The following SNTG1 variants were observed in gnomAD, a reference collection of about 807,000 sequenced individuals.
SNTG1 encodes gamma-1-syntrophin.
In SNTG1, 39 loss-of-function variants were observed where a neutral mutation model predicts 74.7. That is an observed-to-expected ratio of 0.52 (90% CI 0.40 to 0.68). SNTG1 has a LOEUF of 0.68. Ranked by LOEUF, SNTG1 falls within the 30% of genes least tolerant of loss-of-function variation. The pLI is 0.00. For missense variants in SNTG1, 685 were observed against 609.5 expected, an observed-to-expected ratio of 1.12 and a Z score of -1.30; for synonymous variants, 254 against 217.1, an observed-to-expected ratio of 1.17 and a Z score of -1.49.
chr8:50,783,955 T>A (rs542027756), intron 18 of SNTG1, among the ~76,000 whole-genome samples: 53 of 152,338 alleles, frequency 3.5e-4, no homozygotes, highest in African/African-American at 1.2e-3. Flanking sequence ...ATAAACATTA[T>A]GTTTTATCTA....
chr8:50,225,235 G>A (rs1461288361), intron 2 of SNTG1, among the ~76,000 whole-genome samples: 1 of 152,096 alleles, frequency 6.6e-6, no homozygotes, highest in Non-Finnish European at 1.5e-5. Context: ...GCCTCCCAAA[G>A]TGCGTATTTT....
intron 12 of SNTG1, among the ~76,000 whole-genome samples, chr8:50,576,992 A>C (rs2094580301): frequency 6.6e-6 from 1 of 152,004 alleles, no homozygotes; most frequent in Non-Finnish European, 1.5e-5. Flanking sequence ...GTACTGTGTC[A>C]AATAATATGG....
At chr8:50,381,558 A>G (rs939926599) in intron 2 of SNTG1, among the ~76,000 whole-genome samples, 5 of 108,598 alleles carry the variant, frequency 4.6e-5, no homozygotes, top group Non-Finnish European at 7.9e-5. Context: ...CTAATAGGAT[A>G]TGTGTGTGTG....
intron 15 of SNTG1, among the ~76,000 whole-genome samples, chr8:50,696,396 TA>T (rs2095405389): frequency 6.6e-6 from 1 of 152,054 alleles, no homozygotes; most frequent in African/African-American, 2.4e-5. Flanking sequence ...GGCTTGAAAA[TA>T]TTTTTTTCTC....
At chr8:50,074,903 G>A (rs1030906564) in intron 1 of SNTG1, among the ~76,000 whole-genome samples, 6 of 152,146 alleles carry the variant, frequency 3.9e-5, no homozygotes, top group Non-Finnish European at 7.4e-5. Context: ...GGCCGCACTC[G>A]CGGCGCACGC....
At chr8:50,126,217 GC>G (rs769115389) in intron 1 of SNTG1, among the ~76,000 whole-genome samples, 1 of 151,992 alleles carries the variant, frequency 6.6e-6, no homozygotes, top group Non-Finnish European at 1.5e-5. Context: ...TTTTGAAAGG[GC>G]CACGTGACTA....
At chr8:50,071,896 C>T (rs1378977796) in intron 1 of SNTG1, among the ~76,000 whole-genome samples, 2 of 150,374 alleles carry the variant, frequency 1.3e-5, no homozygotes, top group African/African-American at 2.4e-5. Flanking sequence ...TAGAGATAAG[C>T]ATCAGGAATA....
intron 13 of SNTG1, among the ~76,000 whole-genome samples, chr8:50,624,344 T>C (rs1353869105): frequency 6.6e-6 from 1 of 151,986 alleles, no homozygotes; most frequent in Non-Finnish European, 1.5e-5. Flanking sequence ...ATATTTTTTT[T>C]CAACAATAGC....
chr8:50,047,205 G>A (rs1391415099), intron 1 of SNTG1, among the ~76,000 whole-genome samples: 1 of 152,068 alleles, frequency 6.6e-6, no homozygotes, highest in East Asian at 1.9e-4. Flanking sequence ...CAGGTATGGT[G>A]GTGCATGCCT....
intron 8 of SNTG1, among the ~76,000 whole-genome samples, chr8:50,454,271 C>A (rs1231229268): frequency 6.6e-6 from 1 of 151,886 alleles, no homozygotes; most frequent in Non-Finnish European, 1.5e-5. Context: ...CCGAGGTGGG[C>A]AGATCACGAG....
At chr8:50,240,901 G>A (rs955925767) in intron 2 of SNTG1, among the ~76,000 whole-genome samples, 1 of 152,158 alleles carries the variant, frequency 6.6e-6, no homozygotes, top group African/African-American at 2.4e-5. Flanking sequence ...TTAATCTCAA[G>A]GTGATGATTT....
In SNTG1 at chr8:50,613,321, A is replaced by T. The variant is rs559923715; in HGVS notation, c.849+22404A>T. Among the ~76,000 whole-genome samples, 3 of 152,314 alleles carry T rather than the reference A, an allele frequency of 2.0e-5. No individual in the cohort carries two copies. The South Asian group carries it at 6.2e-4, about 32-fold the overall frequency. ...CTTTATTTTGAAATTTGGAACAAGT[A>T]AAATATGTGTCTTCCAACAAAACAT... On this transcript the variant is annotated intron_variant, in intron 13 of 18. Transcript: ENST00000642720.
intron 2 of SNTG1, among the ~76,000 whole-genome samples, chr8:50,229,034 A>C (rs948144794): frequency 6.6e-6 from 1 of 151,668 alleles, no homozygotes; most frequent in Non-Finnish European, 1.5e-5. Context: ...CAAGGTCCCT[A>C]TACAAGTAAA....
At chr8:50,208,773 T>C (rs1450141439) in intron 2 of SNTG1, among the ~76,000 whole-genome samples, 1 of 152,150 alleles carries the variant, frequency 6.6e-6, no homozygotes, top group African/African-American at 2.4e-5. Flanking sequence ...ACAAAATCTC[T>C]CAGCATTTCC....
intron 2 of SNTG1, among the ~76,000 whole-genome samples, chr8:50,189,200 C>T (rs1020800726): frequency 9.9e-5 from 15 of 152,120 alleles, no homozygotes; most frequent in African/African-American, 3.1e-4. Context: ...ATTAAGCCAT[C>T]AGAGGTATTA....
chr8:50,005,234 A>G (rs1815103854), intron 1 of SNTG1, among the ~76,000 whole-genome samples: 1 of 152,126 alleles, frequency 6.6e-6, no homozygotes, highest in African/African-American at 2.4e-5. Context: ...AGGAAAACAG[A>G]GCATAACAGA....
rs149096771 is a variant in SNTG1 at position 50,282,731 on chromosome 8, A to G, written c.-28+110096A>G. On this transcript the variant is annotated intron_variant, in intron 2 of 18. Coordinates refer to ENST00000642720, the MANE Select transcript of SNTG1 (RefSeq NM_018967.5). ...CAGTGAGCTGAGATCGTGCCACTGC[A>G]CTCCAGCCTGGGTGACAGAAGAGAC... is the stretch of plus-strand genomic sequence containing the variant. Among the ~76,000 whole-genome samples, 19 of 152,178 alleles carry G rather than the reference A, an allele frequency of 1.2e-4. No individual in the cohort carries two copies. The South Asian group carries it at 3.5e-3, about 28-fold the overall frequency.
intron 1 of SNTG1, among the ~76,000 whole-genome samples, chr8:50,112,779 G>A (rs2080651175): frequency 6.6e-6 from 1 of 151,992 alleles, no homozygotes; most frequent in Non-Finnish European, 1.5e-5. Context: ...AAAGTGCTGG[G>A]ATTACAGGCA....
At chr8:50,744,506 C>A (rs2095550846) in intron 17 of SNTG1, among the ~76,000 whole-genome samples, 1 of 151,924 alleles carries the variant, frequency 6.6e-6, no homozygotes, top group South Asian at 2.1e-4. Flanking sequence ...ACAACGCAGT[C>A]CTCATCAAAA....
Sources: gnomAD v4.1 joint callset for allele counts (sites outside exome capture counted in the v4.1 genomes callset) on GRCh38, gnomAD v4.1.1 for gene constraint, MANE v1.5 for transcripts, NCBI Gene and HGNC (gene_info 2026-07-23, HGNC 2026-07-21) for gene names.